The following SYNE1 variants were observed in gnomAD, a reference collection of about 807,000 sequenced individuals.
The protein encoded by SYNE1 is spectrin repeat containing nuclear envelope protein 1.
SYNE1 carries 616 observed loss-of-function variants against 1,111.0 expected under a neutral mutation model. That is an observed-to-expected ratio of 0.55 (90% CI 0.52 to 0.59). SYNE1 has a LOEUF of 0.59. Ranked by LOEUF, SYNE1 falls within the 20% of genes least tolerant of loss-of-function variation. SYNE1 has a pLI of 0.00. For synonymous variants in SYNE1, 3,855 were observed against 3,825.8 expected (o/e 1.01, Z -0.28); for missense variants, 10,006 against 10,417.0 (o/e 0.96, Z 1.72).
At chr6:152,224,199 A>C (rs959582170) in intron 117 of SYNE1, among the ~76,000 whole-genome samples, 3 of 152,236 alleles carry the variant, frequency 2.0e-5, no homozygotes, top group Non-Finnish European at 4.4e-5. Context: ...AGTGACAATG[A>C]ATCAAGGAGG....
intron 42 of SYNE1, among the ~76,000 whole-genome samples, chr6:152,412,851 A>ATTTTTTTTTTTTT (rs373723820): frequency 3.8e-5 from 5 of 131,670 alleles, no homozygotes; most frequent in East Asian, 5.3e-4. Flanking sequence ...TTCACATGTA[A>ATTTTTTTTTTTTT]TTTTTTTTTT....
chr6:152,246,977 G>A (rs1201005842), intron 105 of SYNE1, among the ~76,000 whole-genome samples: 1 of 152,160 alleles, frequency 6.6e-6, no homozygotes, highest in Non-Finnish European at 1.5e-5. Context: ...CATACATCTG[G>A]AAAAATACAC....
chr6:152,321,204 A>G (rs1282378457), intron 84 of SYNE1, 34 bp downstream of exon 84: 5 of 1,611,874 alleles, frequency 3.1e-6, no homozygotes, highest in African/African-American at 1.3e-5. Context: ...TATAAACAAA[A>G]TGGAAAGACA....
chr6:152,290,296 C>T (rs1409169534), intron 95 of SYNE1, among the ~76,000 whole-genome samples: 3 of 152,192 alleles, frequency 2.0e-5, no homozygotes, highest in East Asian at 1.9e-4. Context: ...GTGGCTCACA[C>T]CTGTAATCCC....
rs774118114 is a variant in SYNE1, at chr6:152,427,672, C to T, written c.5100+21G>A. Reference sequence around the variant, plus strand: ...CAAAAAGCATTTTATTTTTTCCTTCCTCACACTTCCTTGAACTTGCCTGTA... The same window carrying T: ...CAAAAAGCATTTTATTTTTTCCTTCTTCACACTTCCTTGAACTTGCCTGTA... On this transcript the variant is annotated intron_variant, in intron 38 of 145. Coordinates refer to ENST00000367255, the MANE Select transcript of SYNE1 (RefSeq NM_182961.4). 5.0e-6 allele frequency: 8 copies of T among 1,613,530 alleles called. No homozygotes were observed. In the East Asian group the frequency reaches 1.6e-4, roughly 31 times the overall value.
intron 95 of SYNE1, among the ~76,000 whole-genome samples, chr6:152,291,625 T>G (rs1161684807): frequency 6.6e-6 from 1 of 152,196 alleles, no homozygotes; most frequent in Non-Finnish European, 1.5e-5. Flanking sequence ...TGCATTTTCA[T>G]GTACGAACTC....
Position 152,308,478 on chromosome 6 carries a change from A to G in SYNE1, c.17346+11T>C. The G allele has an allele frequency of 6.2e-7, 1 of 1,614,122 alleles. No homozygotes were observed. The highest frequency in any genetic ancestry group is 2.2e-5 in the East Asian group (1 of 44,874). On this transcript the variant is annotated intron_variant, in intron 91 of 145. Coordinates refer to ENST00000367255, the MANE Select transcript of SYNE1 (RefSeq NM_182961.4). ...TTCCTGCCCTCGGTATTTCGCCTAC[A>G]TTCCTCTCACCTCATGCCGAGAAAT...
At chr6:152,194,052 AATGTT>A (rs2073411758) in intron 127 of SYNE1, among the ~76,000 whole-genome samples, 1 of 151,520 alleles carries the variant, frequency 6.6e-6, no homozygotes, top group Non-Finnish European at 1.5e-5. Context: ...ACACAATTGC[AATGTT>A]ATAATATTCT....
In SYNE1 at chr6:152,614,402, T is replaced by C. The variant is rs183516651; in HGVS notation, c.67+13863A>G. Among the ~76,000 whole-genome samples the C allele has an allele frequency of 3.7e-3, 556 of 152,270 alleles. 2 individuals carry two copies. The highest frequency in any genetic ancestry group is 0.013 in the African/African-American group (543 of 41,542). On this transcript the variant is annotated intron_variant, in intron 3 of 145. Coordinates refer to ENST00000367255, the MANE Select transcript of SYNE1 (RefSeq NM_182961.4). ...AAAAAATGCTCATCATCACTTGTCA[T>C]CAGAAAAATGCAAATAAAAACCACA...
Position 152,135,135 on chromosome 6 carries a change from T to C in SYNE1, c.25757A>G (p.Glu8586Gly). ...CTGTTTGTGATGGTCCTGAAGTATC[T>C]CTGCATCAAGGTTAGAATCAATAGG... ...IVPIDSNLDA[E>G]ILQDHHKQLM... The change falls in exon 142 of 146, where the codon GAG (glutamate) becomes GGG (glycine). Residue 8586 changes from glutamate (E) to glycine (G), a missense_variant. Glu to Gly is a moderately conservative substitution (Grantham distance 98, BLOSUM62 -2). Coordinates refer to ENST00000367255, the MANE Select transcript of SYNE1 (RefSeq NM_182961.4). 1 of 1,614,132 alleles carries C rather than the reference T, an allele frequency of 6.2e-7. No individual in the cohort carries two copies. The highest frequency in any genetic ancestry group is 2.2e-5 in the East Asian group (1 of 44,866).
At chr6:152,615,749 A>G (rs1055391298) in intron 3 of SYNE1, among the ~76,000 whole-genome samples, 21 of 152,260 alleles carry the variant, frequency 1.4e-4, no homozygotes, top group Non-Finnish European at 4.4e-5. Flanking sequence ...TCATACCATT[A>G]GAACACAAAA....
chr6:152,228,502 A>T (rs1335367136), intron 115 of SYNE1, among the ~76,000 whole-genome samples: 1 of 152,038 alleles, frequency 6.6e-6, no homozygotes, highest in Non-Finnish European at 1.5e-5. Context: ...AAAATGGCAG[A>T]AAAAGCTATG....
At chr6:152,493,284 G>A (rs924959150) in intron 11 of SYNE1, among the ~76,000 whole-genome samples, 3 of 151,876 alleles carry the variant, frequency 2.0e-5, no homozygotes, top group Non-Finnish European at 4.4e-5. Flanking sequence ...TATCCACCCC[G>A]TGGTGCCAAA....
intron 145 of SYNE1, chr6:152,125,395 C>T (rs574717446): frequency 2.6e-5 from 40 of 1,526,246 alleles, no homozygotes; most frequent in Admixed American, 2.2e-4. Context: ...TCATCAAATC[C>T]GTGTGTGGAC....
chr6:152,349,666 C>T (rs988430287), intron 72 of SYNE1, among the ~76,000 whole-genome samples: 3 of 152,228 alleles, frequency 2.0e-5, no homozygotes, highest in African/African-American at 7.2e-5. Context: ...GTCAGAAGTG[C>T]TTGAGACTCA....
At chr6:152,384,752 A>G (rs535084572) in intron 55 of SYNE1, among the ~76,000 whole-genome samples, 1 of 152,052 alleles carries the variant, frequency 6.6e-6, no homozygotes, top group Admixed American at 6.6e-5. Context: ...GGTGGTCAGC[A>G]CCTGTAATCG....
At chr6:152,277,202 A>G (rs1163294048) in intron 98 of SYNE1, among the ~76,000 whole-genome samples, 1 of 135,748 alleles carries the variant, frequency 7.4e-6, no homozygotes, top group Non-Finnish European at 1.6e-5. Context: ...TGTACTTTTT[A>G]TCCTATCCGT....
At chr6:152,150,536 T>C (rs2060230438) in intron 135 of SYNE1, among the ~76,000 whole-genome samples, 2 of 152,210 alleles carry the variant, frequency 1.3e-5, no homozygotes, top group South Asian at 4.1e-4. Flanking sequence ...ATCCTGAGAA[T>C]CCATGTCTAC....
intron 96 of SYNE1, among the ~76,000 whole-genome samples, chr6:152,282,210 A>T (rs1417427482): frequency 6.6e-6 from 1 of 152,194 alleles, no homozygotes; most frequent in Non-Finnish European, 1.5e-5. Context: ...ATGTGTACCT[A>T]GAGTTGAACA....
Sources: gnomAD v4.1 joint callset for allele counts (sites outside exome capture counted in the v4.1 genomes callset) on GRCh38, gnomAD v4.1.1 for gene constraint, MANE v1.5 for transcripts, NCBI Gene and HGNC (gene_info 2026-07-23, HGNC 2026-07-21) for gene names.